Variants in GOLGA8B observed in about 807,000 individuals in gnomAD.
GOLGA8B encodes golgin subfamily A member 8B.
Under a neutral mutation model 15.6 loss-of-function variants are expected in GOLGA8B, and 1 was observed. That is an observed-to-expected ratio of 0.06 (90% CI 0.02 to 0.30). The LOEUF is 0.30. Among genes scored for constraint, GOLGA8B ranks in the 10% least tolerant of loss-of-function variants. GOLGA8B has a pLI of 1.00. For missense variants in GOLGA8B, 17 were observed against 201.3 expected, an observed-to-expected ratio of 0.08 and a Z score of 5.54; for synonymous variants, 9 against 80.3, an observed-to-expected ratio of 0.11 and a Z score of 4.75.
At chr15:34,551,027 TAAGGCAGGAATGGAG>T (rs2140337289) in intron 4 of GOLGA8B, 96 bp downstream of exon 4, 1 of 83,364 alleles carries the variant, frequency 1.2e-5, no homozygotes, top group South Asian at 4.4e-4. Flanking sequence ...AATCTACCAC[TAAGGCAGGAATGGAG>T]GAGAGCAGCT....
rs1332206812 is a variant in GOLGA8B at position 34,566,305 on chromosome 15, T to A, written c.-1122-12349A>T. ...GAGTGTATTTAATGCCACAGAATCA[T>A]ACACGTAGAAGTATTTCAGATGGTA... is the stretch of plus-strand genomic sequence containing the variant. On this transcript the variant is annotated intron_variant, in intron 1 of 23. Coordinates refer to ENST00000683415, the MANE Select transcript of GOLGA8B (RefSeq NM_001023567.5). 1.4e-5 allele frequency: 2 copies of A among 142,354 alleles called. 1 individual carries two copies. Among genetic ancestry groups the A allele is most frequent in the Non-Finnish European group, 3.2e-5 (2 of 61,866 alleles). 8.8% of individuals were successfully genotyped at this position (142,354 alleles called of 1,614,324 possible).
intron 1 of GOLGA8B, among the ~76,000 whole-genome samples, chr15:34,582,434 G>C (rs1889264418): frequency 2.6e-5 from 4 of 152,254 alleles, no homozygotes; most frequent in Non-Finnish European, 1.5e-5. Flanking sequence ...AGGTTGAAGA[G>C]GCCAGAGGCA....
chr15:34,564,025 C>T (rs1366697001), intron 1 of GOLGA8B, among the ~76,000 whole-genome samples: 1 of 133,186 alleles, frequency 7.5e-6, no homozygotes, highest in Non-Finnish European at 1.7e-5. Context: ...CTCTAGTTAA[C>T]ACAGTAATTT....
At chr15:34,568,186 T>C (rs997508757) in intron 1 of GOLGA8B, among the ~76,000 whole-genome samples, 1 of 147,570 alleles carries the variant, frequency 6.8e-6, no homozygotes. Flanking sequence ...CAGTAGACAG[T>C]TAAAGATTTC....
intron 1 of GOLGA8B, among the ~76,000 whole-genome samples, chr15:34,559,303 G>A (rs2140342071): frequency 6.8e-6 from 1 of 147,718 alleles, no homozygotes; most frequent in Admixed American, 7.0e-5. Flanking sequence ...AGGTTCTGTT[G>A]TGAAGATGGA....
intron 1 of GOLGA8B, among the ~76,000 whole-genome samples, chr15:34,573,331 G>A (rs1385653822): frequency 1.3e-5 from 2 of 152,108 alleles, no homozygotes; most frequent in African/African-American, 4.8e-5. Flanking sequence ...GAGATCAGGA[G>A]ATCAAGACCA....
intron 1 of GOLGA8B, among the ~76,000 whole-genome samples, chr15:34,572,777 A>G (rs1288500551): frequency 6.6e-6 from 1 of 152,226 alleles, no homozygotes; most frequent in African/African-American, 2.4e-5. Flanking sequence ...GAATTTCATA[A>G]TCAGAAACAG....
chr15:34,548,760 CGTTTGTTT>C (rs145014745), intron 4 of GOLGA8B, among the ~76,000 whole-genome samples: 131 of 12,904 alleles, frequency 0.01, no homozygotes, highest in African/African-American at 0.036. Context: ...ACTCCCTTTT[CGTTTGTTT>C]GTTTGTTTGT....
intron 1 of GOLGA8B, among the ~76,000 whole-genome samples, chr15:34,573,301 G>A (rs1228779616): frequency 2.6e-5 from 4 of 152,148 alleles, no homozygotes; most frequent in Non-Finnish European, 5.9e-5. Context: ...CACTTTGGGA[G>A]GCTGAAGCAG....
chr15:34,549,162 T>A (rs1309886858), intron 4 of GOLGA8B, among the ~76,000 whole-genome samples: 1 of 78,512 alleles, frequency 1.3e-5, no homozygotes, highest in East Asian at 3.2e-4. Flanking sequence ...GACAAAAAAA[T>A]TTCGATGGAC....
chr15:34,575,437 T>C (rs1317830026), intron 1 of GOLGA8B, among the ~76,000 whole-genome samples: 1 of 151,824 alleles, frequency 6.6e-6, no homozygotes, highest in African/African-American at 2.4e-5. Flanking sequence ...TCTCCTAGAA[T>C]TCACTTGGTA....
chr15:34,553,920 G>A lies in GOLGA8B; in HGVS notation c.-1086C>T, dbSNP rs1888418191. 1 of 22,328 alleles carries A rather than the reference G, an allele frequency of 4.5e-5. No homozygotes were observed. The highest frequency in any genetic ancestry group is 1.0e-4 in the Non-Finnish European group (1 of 9,824). The allele number at this position is 22,328 out of a possible 1,614,324, so 1.4% of individuals were successfully genotyped here. ...TGTCCCTTTACGTGTCTCTGGAGCT[G>A]AGCAGGTATTCTTTTTCTTTCTTCA... On this transcript the variant is annotated 5_prime_UTR_variant, in exon 2 of 24. Coordinates refer to ENST00000683415, the MANE Select transcript of GOLGA8B (RefSeq NM_001023567.5).
intron 7 of GOLGA8B, among the ~76,000 whole-genome samples, chr15:34,543,945 TTGGATTCTCC>T (rs1274820824): frequency 3.7e-5 from 2 of 53,374 alleles, no homozygotes; most frequent in African/African-American, 2.2e-4. Context: ...TGATATTCTC[TTGGATTCTCC>T]TGGAGAATGT....
At chr15:34,561,006 G>A (rs1259273604) in intron 1 of GOLGA8B, among the ~76,000 whole-genome samples, 4 of 146,250 alleles carry the variant, frequency 2.7e-5, no homozygotes, top group East Asian at 4.0e-4. Context: ...GCTGTAAGCG[G>A]CGGAGCTTCC....
chr15:34,582,409 A>T (rs1263641002), intron 1 of GOLGA8B, among the ~76,000 whole-genome samples: 2 of 152,372 alleles, frequency 1.3e-5, no homozygotes, highest in South Asian at 2.1e-4. Flanking sequence ...AAACAAAAGC[A>T]GAAAGAGGCA....
chr15:34,567,807 AAGAAG>A (rs1888805613), intron 1 of GOLGA8B, among the ~76,000 whole-genome samples: 1 of 151,850 alleles, frequency 6.6e-6, no homozygotes, highest in African/African-American at 2.4e-5. Context: ...GTAAGTCCTC[AAGAAG>A]GCTGCATGGG....
Position 34,525,970 on chromosome 15 carries a change from G to GACAT in GOLGA8B, c.*1658_*1661dup, listed in dbSNP as rs909165807. 6.7e-5 allele frequency: 10 copies of GACAT among 149,324 alleles called. 1 individual carries two copies. The highest frequency in any genetic ancestry group is 2.5e-4 in the African/African-American group (10 of 40,418). The allele number at this position is 149,324 out of a possible 1,614,324, so 9.2% of individuals were successfully genotyped here. On this transcript the variant is annotated 3_prime_UTR_variant, in exon 24 of 24. Transcript: ENST00000683415. ...ATAATGTGATGTGTTTTGGAACACA[G>GACAT]ACATTAGAACTTCATGAAGTTTTAA...
intron 1 of GOLGA8B, among the ~76,000 whole-genome samples, chr15:34,559,192 C>T (rs1595704668): frequency 1.4e-5 from 2 of 146,848 alleles, no homozygotes; most frequent in East Asian, 2.1e-4. Context: ...TTCCACTTCT[C>T]TGAGGCACCC....
chr15:34,573,947 A>G (rs1056975564), intron 1 of GOLGA8B, among the ~76,000 whole-genome samples: 1 of 151,754 alleles, frequency 6.6e-6, no homozygotes, highest in South Asian at 2.1e-4. Context: ...TATTTGCCAA[A>G]TCACCAGCAA....
Sources: allele counts gnomAD v4.1 joint callset (sites outside exome capture counted in the v4.1 genomes callset), GRCh38; gene constraint gnomAD v4.1.1; transcripts MANE v1.5; gene names NCBI Gene and HGNC (gene_info 2026-07-23, HGNC 2026-07-21).